The following ZNF200 variants were observed in gnomAD, a reference collection of about 807,000 sequenced individuals.
The protein encoded by ZNF200 is zinc finger protein 200.
In ZNF200, 35 loss-of-function variants were observed where a neutral mutation model predicts 33.6. That is an observed-to-expected ratio of 1.04 (90% CI 0.80 to 1.38). The LOEUF (loss-of-function observed/expected upper bound fraction) is 1.38, where lower values mean the gene tolerates loss of function less well. ZNF200 is among the 40% of genes most tolerant of loss of function. ZNF200 has a pLI of 0.00. For synonymous variants in ZNF200, 209 were observed against 167.7 expected (o/e 1.25, Z -1.90); for missense variants, 592 against 470.6 (o/e 1.26, Z -2.39).
rs1335665170 is a variant in ZNF200 at position 3,223,808 on chromosome 16, T to C, written c.*84A>G. The C allele has an allele frequency of 5.3e-6, 8 of 1,505,376 alleles. No individual in the cohort carries two copies. Among genetic ancestry groups the C allele is most frequent in the South Asian group, 1.4e-5 (1 of 73,348 alleles). The allele number at this position is 1,505,376 out of a possible 1,614,324, so 93.3% of individuals were successfully genotyped here. A position where few individuals can be genotyped will look rare whatever the true frequency, so the allele number is the denominator to read the frequency against. On this transcript the variant is annotated 3_prime_UTR_variant, in exon 5 of 5. Coordinates refer to ENST00000414144, the MANE Select transcript of ZNF200 (RefSeq NM_198088.3). ...TGAGATTTTTACACATTTATACCTT[T>C]TTAGGCAGCTTGGGAATTCAGAACT...
intron 3 of ZNF200, 104 bp downstream of exon 3, chr16:3,232,729 A>C (rs1489558278): frequency 1.4e-6 from 2 of 1,446,396 alleles, no homozygotes; most frequent in Non-Finnish European, 1.9e-6. Context: ...AAGCAGAAGA[A>C]AAACACCCAA....
intron 4 of ZNF200, among the ~76,000 whole-genome samples, chr16:3,232,068 G>A (rs1958648749): frequency 6.6e-6 from 1 of 152,198 alleles, no homozygotes; most frequent in African/African-American, 2.4e-5. Context: ...TCAAAAAGGG[G>A]AGGGGGATTA....
chr16:3,234,176 C>A (rs11645732), intron 1 of ZNF200: 8,261 of 155,468 alleles, frequency 0.053, 517 homozygotes, highest in South Asian at 0.31. Flanking sequence ...AAGGCCCTGG[C>A]GGGTGGATCG....
At chr16:3,228,458 A>G (rs1567220218) in intron 4 of ZNF200, among the ~76,000 whole-genome samples, 6 of 152,042 alleles carry the variant, frequency 3.9e-5, no homozygotes. Context: ...TCTCCTTTAT[A>G]TATAAGAAAT....
At chr16:3,227,827 T>C (rs944056199) in intron 4 of ZNF200, 1 of 152,214 alleles carries the variant, frequency 6.6e-6, no homozygotes. Context: ...GACAATTCTT[T>C]ATACCAGTGT....
rs1366296393 is a variant in ZNF200 at position 3,223,018 on chromosome 16, T to G, written c.*874A>C. 1 of 152,328 alleles carries G rather than the reference T, an allele frequency of 6.6e-6. No homozygotes were observed. Among genetic ancestry groups the G allele is most frequent in the Non-Finnish European group, 1.5e-5 (1 of 68,122 alleles). The allele number at this position is 152,328 out of a possible 1,614,324, so 9.4% of individuals were successfully genotyped here. A position where few individuals can be genotyped will look rare whatever the true frequency, so the allele number is the denominator to read the frequency against. ...AAGCCAACTTTTTCCTGCCTCCAGG[T>G]TGACCCTTCCTCTCTGGGTCTTGGG... is the stretch of plus-strand genomic sequence containing the variant. On this transcript the variant is annotated 3_prime_UTR_variant, in exon 5 of 5. Coordinates refer to ENST00000414144, the MANE Select transcript of ZNF200 (RefSeq NM_198088.3).
At chr16:3,232,740 G>A (rs1468028901) in intron 3 of ZNF200, 93 bp downstream of exon 3, 41 of 1,460,154 alleles carry the variant, frequency 2.8e-5, no homozygotes, top group Non-Finnish European at 4.7e-6. Flanking sequence ...AAACACCCAA[G>A]AAGGCCAACT....
Position 3,224,131 on chromosome 16 carries a change from A to G in ZNF200, c.949T>C (p.Phe317Leu). ...CGACTCCGATGAGAATTCTGACGGA[A>G]GTTTTTTCCACACTGAGAACAGGAA... ...PYSCSQCGKN[F>L]RQNSHRSRHE... is the part of the protein sequence containing the mutation. Residue 317 changes from phenylalanine (F) to leucine (L), a missense_variant, in exon 5 of 5, where the codon TTC (phenylalanine) becomes CTC (leucine). Coordinates refer to ENST00000414144, the MANE Select transcript of ZNF200 (RefSeq NM_198088.3). The G allele has an allele frequency of 3.1e-6, 5 of 1,614,086 alleles. No homozygotes were observed. The highest frequency in any genetic ancestry group is 4.2e-6 in the Non-Finnish European group (5 of 1,180,018).
intron 4 of ZNF200, among the ~76,000 whole-genome samples, chr16:3,231,754 A>G (rs1958640210): frequency 6.6e-6 from 1 of 152,224 alleles, no homozygotes; most frequent in African/African-American, 2.4e-5. Flanking sequence ...CTGGGCCATT[A>G]CTGCAAATTC....
chr16:3,233,830 A>C lies in ZNF200; in HGVS notation c.-75T>G, dbSNP rs1596344211. 1.3e-6 allele frequency: 2 copies of C among 1,531,746 alleles called. No homozygotes were observed. The highest frequency in any genetic ancestry group is 1.8e-6 in the Non-Finnish European group (2 of 1,140,792). 94.9% of individuals were successfully genotyped at this position (1,531,746 alleles called of 1,614,324 possible). A position where few individuals can be genotyped will look rare whatever the true frequency, so the allele number is the denominator to read the frequency against. On this transcript the variant is annotated 5_prime_UTR_variant, in exon 2 of 5. Transcript: ENST00000414144. ...TCTTACTAGAGGAAATCTGCCAGAG[A>C]GCCAAGCTGTAGACAGAGAAACCAG...
chr16:3,232,923 T>G lies in ZNF200; in HGVS notation c.251-2A>C. On this transcript the variant is annotated splice_acceptor_variant, in intron 2 of 4. Transcript: ENST00000414144. LOFTEE classifies it high-confidence loss of function. ...GCTTCACCAAGGGACGAGGATGCAC[T>G]GGGGAAAGAGGAAGGTTTAGTTAGT... is the stretch of plus-strand genomic sequence containing the variant. 6.2e-7 allele frequency: 1 copy of G among 1,613,540 alleles called. No individual in the cohort carries two copies. Among genetic ancestry groups the G allele is most frequent in the Non-Finnish European group, 8.5e-7 (1 of 1,179,676 alleles).
At position 3,235,080 on chromosome 16, in the gene ZNF200, A is replaced by G. The variant is rs1430839721; in HGVS notation, c.-175T>C. 1 of 152,176 alleles carries G rather than the reference A, an allele frequency of 6.6e-6. No individual in the cohort carries two copies. Among genetic ancestry groups the G allele is most frequent in the African/African-American group, 2.4e-5 (1 of 41,442 alleles). The allele number at this position is 152,176 out of a possible 1,614,324, so 9.4% of individuals were successfully genotyped here. ...TAGAAAAACTAGGCGCGAGCGGTCG[A>G]GCCCTCCCCTCGCCCTTCCGAGTGC... On this transcript the variant is annotated 5_prime_UTR_variant, in exon 1 of 5. Coordinates refer to ENST00000414144, the MANE Select transcript of ZNF200 (RefSeq NM_198088.3).
At chr16:3,224,872 T>G (rs1178849413) in intron 4 of ZNF200, 5 of 458,554 alleles carry the variant, frequency 1.1e-5, no homozygotes, top group African/African-American at 9.8e-5. Context: ...GTTTGTTCTC[T>G]TCATAGGTGT....
In ZNF200 at chr16:3,228,895, A is replaced by G. The variant is rs756799367; in HGVS notation, c.466+3526T>C. Among the ~76,000 whole-genome samples the G allele has an allele frequency of 3.9e-5, 6 of 152,120 alleles. No individual in the cohort carries two copies. The East Asian group carries it at 5.8e-4, about 15-fold the overall frequency. The stretch of plus-strand genomic sequence containing the variant: ...AGGGGTAAAAACAAATTAAAATTGC[A>G]TATTTTTTCTAGAAAACATTATACA... On this transcript the variant is annotated intron_variant, in intron 4 of 4. Coordinates refer to ENST00000414144, the MANE Select transcript of ZNF200 (RefSeq NM_198088.3).
intron 2 of ZNF200, 36 bp from the exon 3 acceptor site, chr16:3,232,957 C>T: frequency 6.3e-7 from 1 of 1,589,168 alleles, no homozygotes; most frequent in Non-Finnish European, 8.6e-7. Context: ...GTGAAAAACT[C>T]AGTGACTCTA....
rs1227687423 is a variant in ZNF200 at position 3,224,177 on chromosome 16, A to C, written c.903T>G (p.Ile301Met). The C allele has an allele frequency of 1.2e-6, 2 of 1,614,062 alleles. No individual in the cohort carries two copies. Among genetic ancestry groups the C allele is most frequent in the South Asian group, 2.2e-5 (2 of 91,070 alleles). ...HKTNLNKHERIHTGEKPYSCS... is the reference protein window; with the variant it reads ...HKTNLNKHERMHTGEKPYSCS... Reference sequence around the variant, plus strand: ...AGGAATAAGGTTTCTCTCCTGTATGAATTCGCTCATGTTTATTGAGGTTTG... The same window carrying C: ...AGGAATAAGGTTTCTCTCCTGTATGCATTCGCTCATGTTTATTGAGGTTTG... Residue 301 changes from isoleucine to methionine, a missense_variant, in exon 5 of 5, where the codon ATT becomes ATG. Coordinates refer to ENST00000414144, the MANE Select transcript of ZNF200 (RefSeq NM_198088.3).
Position 3,224,073 on chromosome 16 carries a change from A to G in ZNF200, c.1007T>C (p.Phe336Ser). The change falls in exon 5 of 5, where the codon TTT becomes TCT. Residue 336 changes from phenylalanine (F) to serine (S), a missense_variant. Transcript: ENST00000414144. The part of the protein sequence containing the change: ...HEGIHIREKI[F>S]KCPECGKTFP... ...GGTTTTCCCACATTCTGGACACTTA[A>G]ATATCTTCTCCCTTATATGGATTCC... 6.2e-7 allele frequency: 1 copy of G among 1,614,132 alleles called. No homozygotes were observed. The highest frequency in any genetic ancestry group is 1.1e-5 in the South Asian group (1 of 91,074).
At chr16:3,225,169 G>C (rs1264344741) in intron 4 of ZNF200, 1 of 152,502 alleles carries the variant, frequency 6.6e-6, no homozygotes, top group Non-Finnish European at 1.5e-5. Context: ...TTATTGGCCA[G>C]GCGTGGTGGC....
chr16:3,232,983 ATACC>A, intron 2 of ZNF200, 62 bp from the exon 3 acceptor site: 1 of 1,469,268 alleles, frequency 6.8e-7, no homozygotes, highest in Admixed American at 1.7e-5. Flanking sequence ...GAGACTCCCC[ATACC>A]GCGAGGCCAG....
Sources: allele counts gnomAD v4.1 joint callset (sites outside exome capture counted in the v4.1 genomes callset), GRCh38; gene constraint gnomAD v4.1.1; transcripts MANE v1.5; gene names NCBI Gene and HGNC (gene_info 2026-07-23, HGNC 2026-07-21).